Variants in DACH2 observed in about 807,000 individuals in gnomAD.
DACH2 encodes dachshund homolog 2.
In DACH2, 17 loss-of-function variants were observed where a neutral mutation model predicts 35.8. The ratio of observed to expected loss-of-function variants is 0.48; its 90% CI spans 0.33 to 0.71. The LOEUF is 0.71. DACH2 is among the 30% of genes least tolerant of loss of function. The pLI, the probability that DACH2 is intolerant of heterozygous loss-of-function variation, is 0.02. For missense variants in DACH2, 469 were observed against 472.7 expected (o/e 0.99, Z 0.07); for synonymous variants, 195 against 177.3 (o/e 1.10, Z -0.79).
At chrX:86,557,509 T>C (rs1048749615) in intron 3 of DACH2, among the ~76,000 whole-genome samples, 3 of 91,090 alleles carry the variant, frequency 3.3e-5, no homozygotes, top group African/African-American at 8.0e-5. Flanking sequence ...GGGGATGGCA[T>C]TGAATCTGTA....
intron 2 of DACH2, among the ~76,000 whole-genome samples, chrX:86,400,394 C>G (rs1276232269): frequency 8.9e-6 from 1 of 111,874 alleles, no homozygotes; most frequent in Non-Finnish European, 1.9e-5. Context: ...AAGTCATTCT[C>G]TGTCCAGCTT....
Position 86,423,791 on chromosome X carries a change from A to G in DACH2, c.527+46929A>G. 1.8e-5 allele frequency among the ~76,000 whole-genome samples: 2 copies of G among 110,958 alleles called. 1 individual carries two copies. ...TTTCTTGTAGTAGTTTCATAGCTTC[A>G]GGTCTTAGATTTAGGTCTTCAATCC... On this transcript the variant is annotated intron_variant, in intron 2 of 11. Transcript: ENST00000373125.
intron 1 of DACH2, among the ~76,000 whole-genome samples, chrX:86,225,206 A>G (rs1001697462): frequency 8.0e-5 from 9 of 111,822 alleles, no homozygotes; most frequent in African/African-American, 2.9e-4. Context: ...TGAGCAGTGA[A>G]GTGAACTTAG....
At chrX:86,800,264 A>G (rs2042279254) in intron 7 of DACH2, among the ~76,000 whole-genome samples, 1 of 112,180 alleles carries the variant, frequency 8.9e-6, no homozygotes, top group South Asian at 3.7e-4. Flanking sequence ...ACAATGCACA[A>G]CTAGGAACTC....
chrX:86,637,246 A>AAAAC (rs2040282352), intron 3 of DACH2, among the ~76,000 whole-genome samples: 2 of 81,849 alleles, frequency 2.4e-5, no homozygotes, highest in East Asian at 6.1e-4. Flanking sequence ...AAAAAAAAAA[A>AAAAC]CAGATGCTGG....
intron 6 of DACH2, among the ~76,000 whole-genome samples, chrX:86,736,198 C>T (rs1275309290): frequency 9.0e-6 from 1 of 111,081 alleles, no homozygotes; most frequent in East Asian, 2.8e-4. Context: ...CAATGTACGA[C>T]ACTGCATTCA....
chrX:86,622,886 C>A (rs1466862756), intron 3 of DACH2, among the ~76,000 whole-genome samples: 1 of 111,048 alleles, frequency 9.0e-6, no homozygotes, highest in Non-Finnish European at 1.9e-5. Flanking sequence ...ATGATGATTA[C>A]AGTTGAATTA....
chrX:86,745,597 CT>C (rs777901448), intron 7 of DACH2, among the ~76,000 whole-genome samples: 1 of 111,498 alleles, frequency 9.0e-6, no homozygotes, highest in African/African-American at 3.2e-5. Context: ...TCGTCCTGTC[CT>C]TTTTTATGGC....
chrX:86,161,711 AAG>A (rs2030763821), intron 1 of DACH2, among the ~76,000 whole-genome samples: 4 of 112,281 alleles, frequency 3.6e-5, no homozygotes, highest in Admixed American at 1.9e-4. Flanking sequence ...GTGACCTCTA[AAG>A]AGAGTAGTAA....
chrX:86,619,757 T>A (rs756151699), intron 3 of DACH2, among the ~76,000 whole-genome samples: 1 of 112,174 alleles, frequency 8.9e-6, no homozygotes, highest in African/African-American at 3.2e-5. Context: ...GGGCAGATAA[T>A]ATGGCATTTC....
chrX:86,771,961 C>T (rs1385944079), intron 7 of DACH2, among the ~76,000 whole-genome samples: 2 of 111,421 alleles, frequency 1.8e-5, no homozygotes, highest in South Asian at 3.7e-4. Flanking sequence ...ATCAGTTCAG[C>T]GTACTACAAG....
intron 7 of DACH2, among the ~76,000 whole-genome samples, chrX:86,794,779 T>C (rs896805522): frequency 3.6e-5 from 4 of 111,717 alleles, no homozygotes; most frequent in African/African-American, 9.8e-5. Flanking sequence ...CACATCAGTG[T>C]TCAAACTTGA....
chrX:86,623,666 T>C (rs2040094619), intron 3 of DACH2, among the ~76,000 whole-genome samples: 1 of 111,641 alleles, frequency 9.0e-6, no homozygotes, highest in Non-Finnish European at 1.9e-5. Flanking sequence ...TAAGAGAATA[T>C]AACATAGACT....
intron 5 of DACH2, among the ~76,000 whole-genome samples, chrX:86,713,754 GACA>G (rs1435991717): frequency 9.0e-6 from 1 of 111,582 alleles, no homozygotes; most frequent in Non-Finnish European, 1.9e-5. Flanking sequence ...GGGATAAGTA[GACA>G]ACGATTTTAA....
chrX:86,742,612 A>G (rs1015738428), intron 7 of DACH2: 3 of 219,032 alleles, frequency 1.4e-5, no homozygotes, highest in Non-Finnish European at 2.7e-5. Context: ...TTTCACATAG[A>G]AAACTACTCA....
chrX:86,399,252 C>T (rs1222905249), intron 2 of DACH2, among the ~76,000 whole-genome samples: 5 of 111,294 alleles, frequency 4.5e-5, no homozygotes, highest in African/African-American at 9.8e-5. Context: ...TCCTCCATCC[C>T]TTTATTTTGA....
intron 3 of DACH2, among the ~76,000 whole-genome samples, chrX:86,643,584 G>A (rs761555787): frequency 9.9e-5 from 11 of 111,254 alleles, no homozygotes; most frequent in Non-Finnish European, 2.1e-4. Context: ...CAACTGAAGA[G>A]GAGGGACTCC....
At chrX:86,749,302 A>C (rs942223481) in intron 7 of DACH2, among the ~76,000 whole-genome samples, 1 of 112,111 alleles carries the variant, frequency 8.9e-6, no homozygotes, top group Non-Finnish European at 1.9e-5. Context: ...CTTTCAGCCT[A>C]TCTTGGCTTT....
At chrX:86,369,532 A>G (rs1206452824) in intron 1 of DACH2, among the ~76,000 whole-genome samples, 2 of 110,504 alleles carry the variant, frequency 1.8e-5, no homozygotes, top group African/African-American at 3.3e-5. Flanking sequence ...AGCTACACTA[A>G]ACCAGATAGG....
Sources: gnomAD v4.1 joint callset for allele counts (sites outside exome capture counted in the v4.1 genomes callset) on GRCh38, gnomAD v4.1.1 for gene constraint, MANE v1.5 for transcripts, NCBI Gene and HGNC (gene_info 2026-07-23, HGNC 2026-07-21) for gene names.